GPR158: variants seen among roughly 807,000 people sequenced by gnomAD.
GPR158 encodes G protein-coupled receptor 158.
In GPR158, 30 loss-of-function variants were observed where a neutral mutation model predicts 78.2. The observed-to-expected ratio is 0.38, with a 90% CI of 0.29 to 0.52. The LOEUF is 0.52. Ranked by LOEUF, GPR158 falls within the 20% of genes least tolerant of loss-of-function variation. The pLI, the probability that GPR158 is intolerant of heterozygous loss-of-function variation, is 0.83. For synonymous variants in GPR158, 581 were observed against 591.1 expected (o/e 0.98, Z 0.25); for missense variants, 1,463 against 1,523.5 (o/e 0.96, Z 0.66).
intron 5 of GPR158, among the ~76,000 whole-genome samples, chr10:25,490,283 T>G (rs1308717364): frequency 6.6e-6 from 1 of 151,396 alleles, no homozygotes; most frequent in Non-Finnish European, 1.5e-5. Context: ...TACACTTTTT[T>G]TTTGGATTTG....
chr10:25,416,764 G>C (rs1490762592), intron 4 of GPR158, among the ~76,000 whole-genome samples: 13 of 152,122 alleles, frequency 8.5e-5, no homozygotes, highest in African/African-American at 2.9e-4. Flanking sequence ...GAGAGATTAA[G>C]TTTCCAAAGG....
At chr10:25,556,538 A>T (rs1836789046) in intron 6 of GPR158, among the ~76,000 whole-genome samples, 1 of 151,982 alleles carries the variant, frequency 6.6e-6, no homozygotes, top group African/African-American at 2.4e-5. Flanking sequence ...CTGGCTGCCT[A>T]CTCTGGGGTG....
At chr10:25,217,738 T>C (rs1192334150) in intron 1 of GPR158, among the ~76,000 whole-genome samples, 1 of 152,152 alleles carries the variant, frequency 6.6e-6, no homozygotes, top group Non-Finnish European at 1.5e-5. Context: ...GAAATCGTGT[T>C]TGATGGACTG....
intron 2 of GPR158, among the ~76,000 whole-genome samples, chr10:25,314,169 C>T (rs368418845): frequency 5.9e-5 from 9 of 152,088 alleles, no homozygotes; most frequent in Admixed American, 2.6e-4. Context: ...GGCACAATCT[C>T]GGCTCACTGC....
intron 1 of GPR158, among the ~76,000 whole-genome samples, chr10:25,215,098 A>AG (rs1853189970): frequency 6.6e-6 from 1 of 152,200 alleles, no homozygotes; most frequent in African/African-American, 2.4e-5. Context: ...AATAGCCAAA[A>AG]GGGGGAAGGA....
chr10:25,413,866 T>C (rs1220496784), intron 4 of GPR158, among the ~76,000 whole-genome samples: 1 of 152,226 alleles, frequency 6.6e-6, no homozygotes, highest in Non-Finnish European at 1.5e-5. Flanking sequence ...GACAGGCAGA[T>C]AGCTCCTCAT....
chr10:25,189,039 A>C (rs1422567486), intron 1 of GPR158, among the ~76,000 whole-genome samples: 1 of 152,254 alleles, frequency 6.6e-6, no homozygotes. Context: ...AAAAATGTTC[A>C]TCATCACTGG....
At chr10:25,585,868 G>T (rs1482605555) in intron 7 of GPR158, among the ~76,000 whole-genome samples, 1 of 152,096 alleles carries the variant, frequency 6.6e-6, no homozygotes, top group Non-Finnish European at 1.5e-5. Flanking sequence ...AATCTCTGCT[G>T]CTCAGATGGC....
rs188643192 is a variant in GPR158, at chr10:25,217,621, A to G, written c.903-3431A>G. The stretch of plus-strand genomic sequence containing the variant: ...GCCTGAAGCAAGGCAGTGGCCATGC[A>G]TATGGAAGAGAAGAGTCAAGATACA... On this transcript the variant is annotated intron_variant, in intron 1 of 10. Coordinates refer to ENST00000376351, the MANE Select transcript of GPR158 (RefSeq NM_020752.3). 1.1e-4 allele frequency among the ~76,000 whole-genome samples: 16 copies of G among 152,342 alleles called. No homozygotes were observed. In the East Asian group the frequency reaches 2.9e-3, roughly 28 times the overall value.
intron 1 of GPR158, among the ~76,000 whole-genome samples, chr10:25,198,662 A>G (rs888868179): frequency 7.9e-5 from 12 of 152,200 alleles, no homozygotes; most frequent in Admixed American, 5.9e-4. Flanking sequence ...GTATTCTTGT[A>G]TAACTAATGC....
At chr10:25,480,707 T>G (rs1224004284) in intron 5 of GPR158, among the ~76,000 whole-genome samples, 1 of 152,246 alleles carries the variant, frequency 6.6e-6, no homozygotes, top group African/African-American at 2.4e-5. Flanking sequence ...ATTGTAGATA[T>G]ATACCACATT....
chr10:25,348,917 G>A (rs1855415864), intron 2 of GPR158, among the ~76,000 whole-genome samples: 1 of 151,974 alleles, frequency 6.6e-6, no homozygotes. Flanking sequence ...CTAAAGAAAA[G>A]CAAACCACCT....
chr10:25,408,799 A>G (rs1834549618), intron 3 of GPR158, among the ~76,000 whole-genome samples: 1 of 151,908 alleles, frequency 6.6e-6, no homozygotes. Context: ...TGCGATCACC[A>G]TGTCCTGAAG....
chr10:25,391,031 G>T (rs929730318), intron 2 of GPR158, among the ~76,000 whole-genome samples: 1 of 152,224 alleles, frequency 6.6e-6, no homozygotes, highest in Non-Finnish European at 1.5e-5. Context: ...AGAGGGTCAA[G>T]CCCCAAACCT....
intron 5 of GPR158, chr10:25,475,691 G>A (rs1407333439): frequency 6.6e-6 from 1 of 152,122 alleles, no homozygotes; most frequent in Non-Finnish European, 1.5e-5. Flanking sequence ...GTATAAATGT[G>A]ACTAATATCT....
At chr10:25,544,354 C>G (rs1438103097) in intron 5 of GPR158, among the ~76,000 whole-genome samples, 2 of 151,592 alleles carry the variant, frequency 1.3e-5, no homozygotes, top group Non-Finnish European at 2.9e-5. Flanking sequence ...AAAGGAACTT[C>G]TTATGGGTTC....
At chr10:25,490,311 C>CT (rs1835788997) in intron 5 of GPR158, among the ~76,000 whole-genome samples, 1 of 149,968 alleles carries the variant, frequency 6.7e-6, no homozygotes, top group African/African-American at 2.5e-5. Context: ...TTTAATTATA[C>CT]TTTAAGTTTT....
chr10:25,529,755 G>C (rs981399581), intron 5 of GPR158, among the ~76,000 whole-genome samples: 1 of 152,160 alleles, frequency 6.6e-6, no homozygotes, highest in Non-Finnish European at 1.5e-5. Context: ...TCACTCTCAC[G>C]ACAGCCTTTT....
At chr10:25,270,114 C>G (rs114376454) in intron 2 of GPR158, among the ~76,000 whole-genome samples, 2 of 152,136 alleles carry the variant, frequency 1.3e-5, no homozygotes, top group African/African-American at 4.8e-5. Flanking sequence ...CACACAGAAT[C>G]TTCAACAAAG....
Sources: allele counts gnomAD v4.1 joint callset (sites outside exome capture counted in the v4.1 genomes callset), GRCh38; gene constraint gnomAD v4.1.1; transcripts MANE v1.5; gene names NCBI Gene and HGNC (gene_info 2026-07-23, HGNC 2026-07-21).